Variants in GMDS observed in about 807,000 individuals in gnomAD.
GMDS encodes GDP-mannose 4,6 dehydratase.
Under a neutral mutation model 49.9 loss-of-function variants are expected in GMDS, and 20 were observed. The ratio of observed to expected loss-of-function variants is 0.40; its 90% confidence interval spans 0.28 to 0.58. The LOEUF is 0.58. Ranked by LOEUF, GMDS falls within the 20% of genes least tolerant of loss-of-function variation. The pLI is 0.42. For synonymous variants in GMDS, 177 were observed against 178.6 expected (o/e 0.99, Z 0.07); for missense variants, 362 against 481.4 (o/e 0.75, Z 2.32).
At chr6:1,919,048 G>T (rs1032689158) in intron 7 of GMDS, among the ~76,000 whole-genome samples, 2 of 152,174 alleles carry the variant, frequency 1.3e-5, no homozygotes, top group African/African-American at 4.8e-5. Context: ...CATATATACA[G>T]ATTTCATTTT....
intron 7 of GMDS, among the ~76,000 whole-genome samples, chr6:1,929,557 T>G (rs1762190698): frequency 6.6e-6 from 1 of 152,268 alleles, no homozygotes; most frequent in African/African-American, 2.4e-5. Context: ...AGAATCATTA[T>G]TAACATCTTT....
At chr6:1,832,154 T>C (rs1387006931) in intron 7 of GMDS, among the ~76,000 whole-genome samples, 3 of 151,346 alleles carry the variant, frequency 2.0e-5, no homozygotes, top group African/African-American at 2.4e-5. Context: ...ACTTGCTATA[T>C]TGCCCAGGCT....
chr6:1,797,567 T>C (rs1363996171), intron 7 of GMDS, among the ~76,000 whole-genome samples: 8 of 152,216 alleles, frequency 5.3e-5, no homozygotes, highest in East Asian at 3.8e-4. Flanking sequence ...CATTTTAAAA[T>C]AGTCACAGTC....
At chr6:1,711,444 T>C (rs896427792) in intron 9 of GMDS, among the ~76,000 whole-genome samples, 3 of 152,204 alleles carry the variant, frequency 2.0e-5, no homozygotes, top group African/African-American at 7.2e-5. Flanking sequence ...CTTAAAGTAG[T>C]AGTATTGCCT....
rs560382477 is a variant in GMDS at position 1,840,885 on chromosome 6, C to T, written c.771+89218G>A. Among the ~76,000 whole-genome samples the T allele has an allele frequency of 3.3e-5, 5 of 152,308 alleles. No homozygotes were observed. The East Asian group carries it at 9.6e-4, about 29-fold the overall frequency. On this transcript the variant is annotated intron_variant, in intron 7 of 10. Coordinates refer to ENST00000380815, the MANE Select transcript of GMDS (RefSeq NM_001500.4). ...TGCCTCAGTGGCAGTTTGGAGCTCA[C>T]CGGATCTGGCAGCCACTAATGACAT...
chr6:1,624,287 A>G (rs1243544309), intron 10 of GMDS, 56 bp from the exon 11 acceptor site: 3 of 1,528,136 alleles, frequency 2.0e-6, no homozygotes, highest in Non-Finnish European at 2.7e-6. Flanking sequence ...TCCTGGTGAC[A>G]CCCCACCCCG....
At chr6:2,050,271 A>C (rs1467837577) in intron 4 of GMDS, among the ~76,000 whole-genome samples, 1 of 152,238 alleles carries the variant, frequency 6.6e-6, no homozygotes, top group African/African-American at 2.4e-5. Context: ...AAACTGGAAC[A>C]TGTAGAAGAA....
At chr6:1,779,122 C>A (rs551231049) in intron 7 of GMDS, among the ~76,000 whole-genome samples, 15 of 152,130 alleles carry the variant, frequency 9.9e-5, no homozygotes, top group Non-Finnish European at 1.5e-4. Context: ...CGTCCACATG[C>A]CTCTGGGTAC....
intron 8 of GMDS, among the ~76,000 whole-genome samples, chr6:1,729,040 C>G (rs990285735): frequency 6.6e-6 from 1 of 152,136 alleles, no homozygotes; most frequent in African/African-American, 2.4e-5. Context: ...ACTCCTGCTT[C>G]GGCCGATCAG....
intron 7 of GMDS, among the ~76,000 whole-genome samples, chr6:1,785,377 G>A (rs62390373): frequency 0.12 from 18,788 of 152,214 alleles, 1,275 homozygotes; most frequent in East Asian, 0.18. Flanking sequence ...GGTAGCTTAA[G>A]ACCACCATTT....
At chr6:1,754,248 T>C (rs1201727449) in intron 7 of GMDS, among the ~76,000 whole-genome samples, 1 of 152,180 alleles carries the variant, frequency 6.6e-6, no homozygotes, top group Non-Finnish European at 1.5e-5. Context: ...CAGAGAATAC[T>C]ATAAACACCT....
chr6:2,029,061 A>T (rs1221995573), intron 4 of GMDS, among the ~76,000 whole-genome samples: 3 of 151,360 alleles, frequency 2.0e-5, no homozygotes, highest in Non-Finnish European at 4.4e-5. Flanking sequence ...TACCTTTTTT[A>T]AAAAATAGAT....
At chr6:2,073,413 T>C (rs1035750940) in intron 4 of GMDS, among the ~76,000 whole-genome samples, 1 of 152,222 alleles carries the variant, frequency 6.6e-6, no homozygotes, top group Admixed American at 6.5e-5. Flanking sequence ...ACATGTGATA[T>C]TTTGCTACAT....
intron 7 of GMDS, among the ~76,000 whole-genome samples, chr6:1,875,338 AC>A (rs1254153618): frequency 1.3e-5 from 2 of 151,086 alleles, no homozygotes; most frequent in Non-Finnish European, 3.0e-5. Flanking sequence ...ACACACACAC[AC>A]ACACACACAC....
intron 7 of GMDS, among the ~76,000 whole-genome samples, chr6:1,841,237 T>C (rs1163033147): frequency 6.6e-6 from 1 of 152,218 alleles, no homozygotes; most frequent in Non-Finnish European, 1.5e-5. Context: ...CTCTCTCTCC[T>C]AGAATCCCTT....
chr6:1,952,614 G>A (rs1451563799), intron 6 of GMDS, among the ~76,000 whole-genome samples: 1 of 152,018 alleles, frequency 6.6e-6, no homozygotes, highest in Admixed American at 6.6e-5. Flanking sequence ...GTTTAGCAAC[G>A]GAAGCGCTCC....
At chr6:1,763,831 G>C (rs766229086) in intron 7 of GMDS, among the ~76,000 whole-genome samples, 11 of 152,202 alleles carry the variant, frequency 7.2e-5, no homozygotes, top group Non-Finnish European at 1.2e-4. Context: ...AGTGAAAGTA[G>C]TGAACATCCG....
At chr6:2,172,073 C>A (rs1236850726) in intron 1 of GMDS, among the ~76,000 whole-genome samples, 1 of 152,040 alleles carries the variant, frequency 6.6e-6, no homozygotes, top group East Asian at 1.9e-4. Context: ...GACCTCCCAA[C>A]CCCCACGAAA....
chr6:1,727,474 T>A (rs1413969774), intron 8 of GMDS, among the ~76,000 whole-genome samples: 1 of 152,204 alleles, frequency 6.6e-6, no homozygotes, highest in East Asian at 1.9e-4. Context: ...CATGTTTGAC[T>A]TTACTGTTTA....
Sources: gnomAD v4.1 joint callset for allele counts (sites outside exome capture counted in the v4.1 genomes callset) on GRCh38, gnomAD v4.1.1 for gene constraint, MANE v1.5 for transcripts, NCBI Gene and HGNC (gene_info 2026-07-23, HGNC 2026-07-21) for gene names.